The following DNM3 variants were observed in gnomAD, a reference collection of about 807,000 sequenced individuals.
DNM3 encodes dynamin-3.
A neutral mutation model predicts 101.6 loss-of-function variants in DNM3; 47 were observed. The ratio of observed to expected loss-of-function variants is 0.46; its 90% CI spans 0.37 to 0.59. The LOEUF is 0.59. Ranked by LOEUF, DNM3 falls within the 20% of genes least tolerant of loss-of-function variation. The probability of loss-of-function intolerance (pLI) is 0.00; values close to 1 mark genes in which losing one functional copy is unlikely to be tolerated. For synonymous variants in DNM3, 385 were observed against 387.9 expected (o/e 0.99, Z 0.09); for missense variants, 849 against 1,085.7 (o/e 0.78, Z 3.06).
rs2071051172 is a variant in DNM3 at position 172,408,660 on chromosome 1, G to A, written c.*819G>A. 2.0e-6 allele frequency: 2 copies of A among 984,854 alleles called. No individual in the cohort carries two copies. The highest frequency in any genetic ancestry group is 1.2e-4 in the Admixed American group (2 of 16,232). The allele number at this position is 984,854 out of a possible 1,614,324, so 61.0% of individuals were successfully genotyped here. Reference sequence around the variant, plus strand: ...TCACCTCATGGTAGGTTATATTGAAGGCTGACATGGAGAATGTTTACTTTT... The same window carrying A: ...TCACCTCATGGTAGGTTATATTGAAAGCTGACATGGAGAATGTTTACTTTT... On this transcript the variant is annotated 3_prime_UTR_variant, in exon 21 of 21. Coordinates refer to ENST00000627582, the MANE Select transcript of DNM3 (RefSeq NM_015569.5).
intron 1 of DNM3, among the ~76,000 whole-genome samples, chr1:171,873,261 A>T (rs2035462039): frequency 6.6e-6 from 1 of 152,212 alleles, no homozygotes; most frequent in African/African-American, 2.4e-5. Context: ...TGAAGGGTAC[A>T]GCATGGTGCC....
At chr1:172,132,857 T>G in intron 14 of DNM3, 1 of 780,624 alleles carries the variant, frequency 1.3e-6, no homozygotes, top group Non-Finnish European at 2.2e-6. Context: ...TTTAAAAAAG[T>G]CTTTTCTACA....
intron 1 of DNM3, among the ~76,000 whole-genome samples, chr1:171,894,319 A>C (rs2037572173): frequency 1.3e-5 from 2 of 152,216 alleles, no homozygotes; most frequent in African/African-American, 4.8e-5. Flanking sequence ...GTGAAAAGAC[A>C]GTCAGGATCT....
At chr1:172,352,630 T>TGGTTTC (rs2067249875) in intron 17 of DNM3, among the ~76,000 whole-genome samples, 1 of 152,166 alleles carries the variant, frequency 6.6e-6, no homozygotes, top group Non-Finnish European at 1.5e-5. Flanking sequence ...CTATCTGGAG[T>TGGTTTC]ATACCTGTGG....
At chr1:172,093,495 T>A (rs2054049518) in intron 13 of DNM3, among the ~76,000 whole-genome samples, 1 of 152,200 alleles carries the variant, frequency 6.6e-6, no homozygotes, top group Non-Finnish European at 1.5e-5. Flanking sequence ...TAATGAATAT[T>A]TGCATTGTTA....
intron 17 of DNM3, among the ~76,000 whole-genome samples, chr1:172,362,086 T>C (rs1056973987): frequency 1.3e-5 from 2 of 151,976 alleles, no homozygotes; most frequent in African/African-American, 4.8e-5. Flanking sequence ...CCTTTATCTT[T>C]ACCTCAGCTG....
chr1:172,014,678 T>G (rs192644555), intron 4 of DNM3, among the ~76,000 whole-genome samples: 41 of 152,316 alleles, frequency 2.7e-4, no homozygotes, highest in Admixed American at 1.3e-3. Context: ...TTTTGTGTAT[T>G]TTGGATAACA....
chr1:172,248,050 G>A (rs987935119), intron 14 of DNM3, among the ~76,000 whole-genome samples: 1 of 151,884 alleles, frequency 6.6e-6, no homozygotes, highest in Admixed American at 6.6e-5. Context: ...CTTTTCATCA[G>A]TTCATATCTC....
chr1:172,306,649 G>C (rs9425283), intron 15 of DNM3, among the ~76,000 whole-genome samples: 96,516 of 152,010 alleles, frequency 0.63, 32,975 homozygotes, highest in African/African-American at 0.91. Context: ...GCTACAGTAA[G>C]CAAAACAGCA....
chr1:172,008,603 G>A (rs955566846), intron 4 of DNM3, among the ~76,000 whole-genome samples: 1 of 145,536 alleles, frequency 6.9e-6, no homozygotes, highest in Non-Finnish European at 1.5e-5. Context: ...TTTTGTATAT[G>A]GTGTGAAGTA....
intron 4 of DNM3, among the ~76,000 whole-genome samples, chr1:172,025,237 G>A (rs898619141): frequency 5.3e-5 from 8 of 152,192 alleles, no homozygotes; most frequent in Non-Finnish European, 1.0e-4. Flanking sequence ...CGCTGTAGCC[G>A]GATTGCCTCT....
chr1:172,362,850 CCAG>C (rs2149013967), intron 17 of DNM3, among the ~76,000 whole-genome samples: 1 of 151,876 alleles, frequency 6.6e-6, no homozygotes, highest in African/African-American at 2.4e-5. Flanking sequence ...AAAGCCATTG[CCAG>C]CCCTCATTCT....
intron 2 of DNM3, among the ~76,000 whole-genome samples, chr1:171,962,133 T>C (rs1470747422): frequency 6.6e-6 from 1 of 152,212 alleles, no homozygotes; most frequent in Non-Finnish European, 1.5e-5. Context: ...GGTAACCCAT[T>C]AGTTAACCCA....
chr1:172,285,645 A>G (rs1434769882), intron 15 of DNM3, among the ~76,000 whole-genome samples: 7 of 152,180 alleles, frequency 4.6e-5, no homozygotes, highest in African/African-American at 1.7e-4. Flanking sequence ...CAGTTCAAGG[A>G]ACTCACTTTG....
chr1:172,031,645 T>G (rs112620072), intron 4 of DNM3, among the ~76,000 whole-genome samples: 21 of 152,284 alleles, frequency 1.4e-4, no homozygotes, highest in African/African-American at 4.8e-4. Flanking sequence ...ACAAATATCA[T>G]GTATATGACG....
intron 15 of DNM3, among the ~76,000 whole-genome samples, chr1:172,285,566 T>G (rs2063665525): frequency 6.6e-6 from 1 of 152,162 alleles, no homozygotes; most frequent in Admixed American, 6.6e-5. Context: ...TTTTGAAGCC[T>G]CAGACAGAGC....
At chr1:172,056,026 T>C (rs2050581196) in intron 10 of DNM3, among the ~76,000 whole-genome samples, 1 of 152,292 alleles carries the variant, frequency 6.6e-6, no homozygotes, top group Non-Finnish European at 1.5e-5. Flanking sequence ...ATTGCCTCAC[T>C]CCGGAAGTGC....
intron 14 of DNM3, among the ~76,000 whole-genome samples, chr1:172,173,327 G>A (rs781187696): frequency 6.6e-5 from 10 of 151,680 alleles, no homozygotes; most frequent in Admixed American, 1.3e-4. Context: ...GAGCAGAGTG[G>A]CAGTGTCAAT....
At chr1:172,160,509 T>C (rs1350600893) in intron 14 of DNM3, among the ~76,000 whole-genome samples, 2 of 151,976 alleles carry the variant, frequency 1.3e-5, no homozygotes, top group Non-Finnish European at 2.9e-5. Context: ...CCACACAGGA[T>C]TGGAATCCTC....
Sources: gnomAD v4.1 joint callset for allele counts (sites outside exome capture counted in the v4.1 genomes callset) on GRCh38, gnomAD v4.1.1 for gene constraint, MANE v1.5 for transcripts, NCBI Gene and HGNC (gene_info 2026-07-23, HGNC 2026-07-21) for gene names.